R3HDM2: variants seen among roughly 807,000 people sequenced by gnomAD.
The protein encoded by R3HDM2 is R3H domain containing 2.
R3HDM2 carries 38 observed loss-of-function variants against 124.5 expected under a neutral mutation model. The observed-to-expected ratio is 0.31, with a 90% CI of 0.24 to 0.40. The LOEUF (loss-of-function observed/expected upper bound fraction) is 0.40, where lower values mean the gene tolerates loss of function less well. R3HDM2 is among the 10% of genes least tolerant of loss of function. The probability of loss-of-function intolerance (pLI) is 1.00; values close to 1 mark genes in which losing one functional copy is unlikely to be tolerated. For synonymous variants in R3HDM2, 391 were observed against 448.0 expected (o/e 0.87, Z 1.61); for missense variants, 869 against 1,236.9 (o/e 0.70, Z 4.46).
intron 2 of R3HDM2, among the ~76,000 whole-genome samples, chr12:57,349,403 A>AAAAAG (rs2060448013): frequency 7.3e-6 from 1 of 137,214 alleles, no homozygotes; most frequent in African/African-American, 2.6e-5. Flanking sequence ...AAAAAAAAAA[A>AAAAAG]AAAAGAAAAG....
At chr12:57,277,604 C>T (rs180910464) in intron 14 of R3HDM2, among the ~76,000 whole-genome samples, 2 of 152,268 alleles carry the variant, frequency 1.3e-5, no homozygotes, top group East Asian at 3.9e-4. Flanking sequence ...TGCACCACCA[C>T]ACCCAGCTAA....
At chr12:57,288,308 C>T (rs981790803) in intron 12 of R3HDM2, among the ~76,000 whole-genome samples, 2 of 151,812 alleles carry the variant, frequency 1.3e-5, no homozygotes, top group African/African-American at 2.4e-5. Context: ...CTGGCCAGGT[C>T]CTTTCTGAGG....
At chr12:57,392,470 T>C (rs1387265807) in intron 2 of R3HDM2, among the ~76,000 whole-genome samples, 2 of 152,152 alleles carry the variant, frequency 1.3e-5, no homozygotes, top group Non-Finnish European at 2.9e-5. Flanking sequence ...GACAGGAGGC[T>C]GAGTTCAGGG....
At chr12:57,303,137 T>C (rs2051651076) in intron 4 of R3HDM2, 39 bp downstream of exon 4, 1 of 1,456,486 alleles carries the variant, frequency 6.9e-7, no homozygotes, top group Non-Finnish European at 9.4e-7. Flanking sequence ...AATGTATTAC[T>C]AATAACATTA....
intron 2 of R3HDM2, among the ~76,000 whole-genome samples, chr12:57,345,195 C>A (rs1332297863): frequency 6.6e-6 from 1 of 151,758 alleles, no homozygotes; most frequent in Non-Finnish European, 1.5e-5. Context: ...AGGAACAATA[C>A]CAAAATGTCT....
Position 57,256,037 on chromosome 12 carries a change from C to T in R3HDM2, c.2585G>A (p.Arg862Lys). 1 of 1,614,142 alleles carries T rather than the reference C, an allele frequency of 6.2e-7. No individual in the cohort carries two copies. The highest frequency in any genetic ancestry group is 1.1e-5 in the South Asian group (1 of 91,074). Residue 862 changes from arginine to lysine, a missense_variant, in exon 23 of 24, where the codon AGA becomes AAA. By Grantham distance (26) the Arg-to-Lys change is conservative. This residue lies in a region of R3HDM2 where 602 missense variants were observed against 789.2 expected (regional missense o/e 0.76). Transcript: ENST00000402412. ...SGLKHGNRGK[R>K]QALKSASTDL... ...AGTGGAGGCAGATTTGAGTGCTTGT[C>T]TCTTGCCCCGGTTTCCATGCTTCAG...
At chr12:57,394,438 G>T (rs931303406) in intron 2 of R3HDM2, among the ~76,000 whole-genome samples, 1 of 152,086 alleles carries the variant, frequency 6.6e-6, no homozygotes, top group African/African-American at 2.4e-5. Context: ...GCGAAACCCC[G>T]TCTTGTACTT....
At chr12:57,347,061 ATAGC>A (rs1459978809) in intron 2 of R3HDM2, among the ~76,000 whole-genome samples, 1 of 152,170 alleles carries the variant, frequency 6.6e-6, no homozygotes. Context: ...CCTGGTCAAC[ATAGC>A]GAGACCCTAT....
Position 57,268,450 on chromosome 12 carries a change from A to T in R3HDM2, c.1883T>A (p.Val628Glu), listed in dbSNP as rs1271410248. 6.2e-7 allele frequency: 1 copy of T among 1,613,646 alleles called. No homozygotes were observed. The highest frequency in any genetic ancestry group is 8.5e-7 in the Non-Finnish European group (1 of 1,179,894). ...YTPLPSYQVP[V>E]GSDSQNVVQP... ...GACCACATTTTGCGAGTCACTACCC[A>T]CTGGAACCTGGGTGAGAAAGAGAAG... Residue 628 changes from valine to glutamate, a missense_variant, in exon 18 of 24, where the codon GTG becomes GAG. Val to Glu is a moderately radical substitution (Grantham distance 121). Coordinates refer to ENST00000402412, the MANE Select transcript of R3HDM2 (RefSeq NM_001394031.1).
At chr12:57,270,054 C>A in intron 14 of R3HDM2, 60 bp from the exon 15 acceptor site, 1 of 1,579,568 alleles carries the variant, frequency 6.3e-7, no homozygotes, top group South Asian at 1.1e-5. Flanking sequence ...TCTTTGGCTT[C>A]AACATAGACA....
chr12:57,364,750 C>T (rs914369596), intron 2 of R3HDM2, among the ~76,000 whole-genome samples: 8 of 150,320 alleles, frequency 5.3e-5, no homozygotes, highest in Non-Finnish European at 8.9e-5. Context: ...GTCAGGAGTT[C>T]GAGACCATCC....
At chr12:57,419,119 T>C (rs2069932985) in intron 1 of R3HDM2, among the ~76,000 whole-genome samples, 1 of 151,760 alleles carries the variant, frequency 6.6e-6, no homozygotes, top group Non-Finnish European at 1.5e-5. Flanking sequence ...TACTGCCCCA[T>C]ATATACCATC....
At chr12:57,367,686 T>A (rs776803489) in intron 2 of R3HDM2, among the ~76,000 whole-genome samples, 1 of 152,226 alleles carries the variant, frequency 6.6e-6, no homozygotes, top group African/African-American at 2.4e-5. Flanking sequence ...TCTATGCTAC[T>A]CTTTGTCCAA....
chr12:57,303,437 C>T (rs2051736279), intron 3 of R3HDM2, among the ~76,000 whole-genome samples: 1 of 152,018 alleles, frequency 6.6e-6, no homozygotes, highest in East Asian at 1.9e-4. Flanking sequence ...TCACCATTCA[C>T]CATTAAGTTA....
chr12:57,388,862 G>C (rs1288097807), intron 2 of R3HDM2, among the ~76,000 whole-genome samples: 1 of 152,074 alleles, frequency 6.6e-6, no homozygotes, highest in Non-Finnish European at 1.5e-5. Context: ...AGAAAAAAAA[G>C]ATGGTCAGGG....
intron 1 of R3HDM2, among the ~76,000 whole-genome samples, chr12:57,420,131 T>C (rs2070046325): frequency 6.6e-6 from 1 of 152,168 alleles, no homozygotes; most frequent in African/African-American, 2.4e-5. Context: ...TTAGATTGCA[T>C]CTTCTCTGCA....
chr12:57,358,576 G>A (rs967772545), intron 2 of R3HDM2, among the ~76,000 whole-genome samples: 3 of 151,724 alleles, frequency 2.0e-5, no homozygotes, highest in African/African-American at 7.3e-5. Flanking sequence ...CCCAGAAGGT[G>A]GAGAGTGCAG....
At chr12:57,297,152 G>A in intron 8 of R3HDM2, 176 bp downstream of exon 8, 1 of 517,156 alleles carries the variant, frequency 1.9e-6, no homozygotes, top group South Asian at 2.8e-5. Context: ...TGGGACAAGT[G>A]CAAGCTGCTG....
rs1385236334 is a variant in R3HDM2 at position 57,430,883 on chromosome 12, G to A, written c.-269C>T. On this transcript the variant is annotated 5_prime_UTR_variant, in exon 1 of 24. Transcript: ENST00000402412. ...GGGGCCGAGGGCTGGGAAGCAGGGG[G>A]GACTGGGACGGGGGAGGGGAAAGGG... 1 of 148,414 alleles carries A rather than the reference G, an allele frequency of 6.7e-6. No homozygotes were observed. Among genetic ancestry groups the A allele is most frequent in the Non-Finnish European group, 1.5e-5 (1 of 66,422 alleles). The allele number at this position is 148,414 out of a possible 1,614,324, so 9.2% of individuals were successfully genotyped here. A position where few individuals can be genotyped will look rare whatever the true frequency, so the allele number is the denominator to read the frequency against.
Sources: allele counts gnomAD v4.1 joint callset (sites outside exome capture counted in the v4.1 genomes callset), GRCh38; gene constraint gnomAD v4.1.1; regional missense constraint gnomAD v4.1.1; transcripts MANE v1.5; gene names NCBI Gene and HGNC (gene_info 2026-07-23, HGNC 2026-07-21).